HERC3: variants seen among roughly 807,000 people sequenced by gnomAD.
HERC3 encodes the protein HECT and RLD domain containing E3 ubiquitin protein ligase 3, also known as probable E3 ubiquitin-protein ligase HERC3.
HERC3 carries 58 observed loss-of-function variants against 129.9 expected under a neutral mutation model. The observed-to-expected ratio is 0.45, with a 90% CI of 0.36 to 0.56. HERC3 has a LOEUF of 0.56. Among genes scored for constraint, HERC3 ranks in the 20% least tolerant of loss-of-function variants. The probability of loss-of-function intolerance (pLI) is 0.00; values close to 1 mark genes in which losing one functional copy is unlikely to be tolerated. For missense variants in HERC3, 835 were observed against 1,244.2 expected, an observed-to-expected ratio of 0.67 and a Z score of 4.95; for synonymous variants, 430 against 451.0, an observed-to-expected ratio of 0.95 and a Z score of 0.59.
At position 88,655,171 on chromosome 4, in the gene HERC3, T is replaced by TA; in HGVS notation, c.778-2dup. 11 of 1,613,764 alleles carry TA rather than the reference T, an allele frequency of 6.8e-6. No individual in the cohort carries two copies. The highest frequency in any genetic ancestry group is 9.3e-6 in the Non-Finnish European group (11 of 1,179,750). ...AAGTCCTATGGTGTTTGTTCCTTGTTAGAGTGGAGGTGTGTTTACCTTTGG... is the reference window on the plus strand; with the variant it reads ...AAGTCCTATGGTGTTTGTTCCTTGTTAAGAGTGGAGGTGTGTTTACCTTTGG... On this transcript the variant is annotated splice_polypyrimidine_tract_variant and splice_region_variant and intron_variant, in intron 7 of 25. Transcript: ENST00000402738.
chr4:88,618,493 A>G (rs1466806688), intron 3 of HERC3, among the ~76,000 whole-genome samples: 1 of 152,052 alleles, frequency 6.6e-6, no homozygotes, highest in Non-Finnish European at 1.5e-5. Flanking sequence ...AGCCTTTGCT[A>G]CTCTTTCATA....
chr4:88,639,903 T>C (rs1336276246), intron 3 of HERC3, among the ~76,000 whole-genome samples: 1 of 151,988 alleles, frequency 6.6e-6, no homozygotes, highest in South Asian at 2.1e-4. Context: ...AAAAACCCCT[T>C]CATAAAGTGG....
rs1399530901 is a variant in HERC3 at position 88,706,769 on chromosome 4, G to A, written c.2962G>A (p.Asp988Asn). The change falls in exon 26 of 26, where the codon GAT (aspartate) becomes AAT (asparagine). Residue 988 changes from aspartate (D) to asparagine (N), a missense_variant. Asp to Asn is a conservative substitution (Grantham distance 23, BLOSUM62 1). Coordinates refer to ENST00000402738, the MANE Select transcript of HERC3 (RefSeq NM_014606.3). ...CTCCCCAGTGTTCCTGACAGGCAGC[G>A]ATCGGATTCCCATCTACGGCATGGC... ...KKFLLFLTGS[D>N]RIPIYGMASL... The A allele has an allele frequency of 1.2e-6, 2 of 1,614,080 alleles. No individual in the cohort carries two copies. Among genetic ancestry groups the A allele is most frequent in the East Asian group, 2.2e-5 (1 of 44,882 alleles).
chr4:88,704,705 T>G, intron 25 of HERC3, 95 bp downstream of exon 25: 2 of 756,916 alleles, frequency 2.6e-6, no homozygotes, highest in Non-Finnish European at 4.6e-6. Flanking sequence ...TTAACTCATT[T>G]AAATGGTAAA....
intron 3 of HERC3, among the ~76,000 whole-genome samples, chr4:88,649,534 A>G (rs926896938): frequency 6.6e-6 from 1 of 152,162 alleles, no homozygotes; most frequent in Non-Finnish European, 1.5e-5. Context: ...TCCAAATAGT[A>G]CAGGCTTCTC....
chr4:88,572,033 G>C, the HERC3 span, among the ~76,000 whole-genome samples: 23 of 152,214 alleles, frequency 1.5e-4, no homozygotes, highest in Admixed American at 1.3e-4. Context: ...GTCTTTATAA[G>C]ATAAGGAAAT....
chr4:88,636,262 C>G (rs749400310), intron 3 of HERC3, among the ~76,000 whole-genome samples: 2 of 152,084 alleles, frequency 1.3e-5, no homozygotes, highest in Non-Finnish European at 2.9e-5. Flanking sequence ...ATCTCATGTG[C>G]AGAGACACAC....
At chr4:88,558,741 A>G in the HERC3 span, among the ~76,000 whole-genome samples, 2 of 152,038 alleles carry the variant, frequency 1.3e-5, no homozygotes, top group Non-Finnish European at 2.9e-5. Flanking sequence ...AGGCGGGCGG[A>G]TCACGAGGTC....
intron 14 of HERC3, chr4:88,668,396 G>A (rs1578278022): frequency 3.5e-6 from 1 of 288,368 alleles, no homozygotes; most frequent in South Asian, 4.0e-5. Context: ...ATTACTGTAC[G>A]TTGGTCTTTC....
chr4:88,541,647 T>C, the HERC3 span, among the ~76,000 whole-genome samples: 1 of 152,222 alleles, frequency 6.6e-6, no homozygotes, highest in Non-Finnish European at 1.5e-5. Flanking sequence ...ATATACATTC[T>C]TCTCAGCACC....
intron 15 of HERC3, 42 bp from the exon 16 acceptor site, chr4:88,670,097 G>C: frequency 6.3e-7 from 1 of 1,596,714 alleles, no homozygotes; most frequent in Non-Finnish European, 8.6e-7. Flanking sequence ...GATGTTCTCT[G>C]GGAAGCCATG....
At chr4:88,597,727 A>C (rs1722551967) in intron 2 of HERC3, among the ~76,000 whole-genome samples, 1 of 152,170 alleles carries the variant, frequency 6.6e-6, no homozygotes, top group African/African-American at 2.4e-5. Flanking sequence ...TGAAGAAGGC[A>C]CCACCTTAGA....
At chr4:88,601,470 G>T (rs3796660) in intron 2 of HERC3, among the ~76,000 whole-genome samples, 40,214 of 152,152 alleles carry the variant, frequency 0.26, 9,891 homozygotes, top group African/African-American at 0.64. Flanking sequence ...TTGCATAGAA[G>T]AGCCAATTAG....
chr4:88,599,645 A>G (rs995074373), intron 2 of HERC3, among the ~76,000 whole-genome samples: 9 of 152,230 alleles, frequency 5.9e-5, no homozygotes, highest in African/African-American at 1.7e-4. Flanking sequence ...CGCCAAATTA[A>G]TAATGAGAAT....
intron 20 of HERC3, among the ~76,000 whole-genome samples, chr4:88,680,577 AT>A (rs1396718248): frequency 1.3e-5 from 2 of 152,218 alleles, no homozygotes; most frequent in Non-Finnish European, 2.9e-5. Flanking sequence ...ATGATAATAT[AT>A]TTTCACACAC....
At chr4:88,550,788 A>C in the HERC3 span, among the ~76,000 whole-genome samples, 2 of 150,866 alleles carry the variant, frequency 1.3e-5, no homozygotes, top group East Asian at 1.9e-4. Context: ...AAACTACTTT[A>C]AAGTTCATAT....
chr4:88,645,920 G>A (rs992133926), intron 3 of HERC3, among the ~76,000 whole-genome samples: 4 of 152,172 alleles, frequency 2.6e-5, no homozygotes, highest in African/African-American at 4.8e-5. Context: ...TGTGTTTCTC[G>A]TGTGAACAGA....
upstream of HERC3, among the ~76,000 whole-genome samples, chr4:88,589,849 G>C (rs1388737737): frequency 1.3e-5 from 2 of 152,140 alleles, no homozygotes; most frequent in Non-Finnish European, 2.9e-5. Context: ...CTCAGGGTTT[G>C]GCTATTTATT....
intron 3 of HERC3, among the ~76,000 whole-genome samples, chr4:88,633,203 G>T (rs1354172961): frequency 6.6e-6 from 1 of 152,192 alleles, no homozygotes. Flanking sequence ...AATTCAACTA[G>T]CAGGGCTGTA....
Sources: allele counts gnomAD v4.1 joint callset (sites outside exome capture counted in the v4.1 genomes callset), GRCh38; gene constraint gnomAD v4.1.1; transcripts MANE v1.5; gene names NCBI Gene and HGNC (gene_info 2026-07-23, HGNC 2026-07-21).